FUT8: variants seen among roughly 807,000 people sequenced by gnomAD.
The protein encoded by FUT8 is alpha-(1,6)-fucosyltransferase.
Under a neutral mutation model 71.3 loss-of-function variants are expected in FUT8, and 29 were observed. The observed-to-expected ratio is 0.41, with a 90% CI of 0.30 to 0.55. FUT8 has a LOEUF of 0.55. FUT8 is among the 20% of genes least tolerant of loss of function. FUT8 has a pLI of 0.34. For missense variants in FUT8, 544 were observed against 702.1 expected, an observed-to-expected ratio of 0.77 and a Z score of 2.55; for synonymous variants, 254 against 239.3, an observed-to-expected ratio of 1.06 and a Z score of -0.57.
intron 2 of FUT8, among the ~76,000 whole-genome samples, chr14:65,504,417 T>A (rs2066693304): frequency 6.6e-6 from 1 of 152,184 alleles, no homozygotes; most frequent in South Asian, 2.1e-4. Context: ...AATTGATGTT[T>A]CCCCTTTCTT....
chr14:65,641,082 TACAG>T (rs1429859067), intron 6 of FUT8, among the ~76,000 whole-genome samples: 1 of 152,200 alleles, frequency 6.6e-6, no homozygotes, highest in Non-Finnish European at 1.5e-5. Context: ...TTTTGACGTA[TACAG>T]ACACCCATGA....
Position 65,449,610 on chromosome 14 carries a change from A to G in FUT8, c.-325-6011A>G, listed in dbSNP as rs200099015. Among the ~76,000 whole-genome samples, 3 of 152,342 alleles carry G rather than the reference A, an allele frequency of 2.0e-5. No homozygotes were observed. The South Asian group carries it at 6.2e-4, about 32-fold the overall frequency. On this transcript the variant is annotated intron_variant, in intron 1 of 10. Transcript: ENST00000673929. Reference sequence around the variant, plus strand: ...TCTCTCTTAACATTGGCCCATAGCTAGAAGACATTGAGGTCCTGCCTTACT... The same window carrying G: ...TCTCTCTTAACATTGGCCCATAGCTGGAAGACATTGAGGTCCTGCCTTACT...
chr14:65,439,954 G>GTGTACGTGTATATATATATATATA, intron 1 of FUT8, among the ~76,000 whole-genome samples: 1 of 74,984 alleles, frequency 1.3e-5, no homozygotes, highest in Non-Finnish European at 2.5e-5. Flanking sequence ...GTGTGTGTGT[G>GTGTACGTGTATATATATATATATA]TATATATATA....
At chr14:65,642,355 C>G (rs1043267223) in intron 6 of FUT8, among the ~76,000 whole-genome samples, 2 of 152,104 alleles carry the variant, frequency 1.3e-5, no homozygotes, top group African/African-American at 4.8e-5. Context: ...GTAATCTCAG[C>G]ATTTTGGGAG....
intron 7 of FUT8, among the ~76,000 whole-genome samples, chr14:65,682,692 A>G (rs534464183): frequency 6.6e-5 from 10 of 152,328 alleles, no homozygotes; most frequent in African/African-American, 2.2e-4. Context: ...ACATGCCAAG[A>G]TACCAGAACT....
rs1175177887 is a variant in FUT8 at position 65,716,978 on chromosome 14, T to C, written c.836-4797T>C. ...CCCAGACGGGGCGGCCGGGCAGAGG[T>C]GCTCCACACTTCCCAGACGGGGTGG... On this transcript the variant is annotated intron_variant, in intron 7 of 10. Transcript: ENST00000673929. 4.2e-3 allele frequency among the ~76,000 whole-genome samples: 288 copies of C among 68,104 alleles called. 3 individuals carry two copies. Among genetic ancestry groups the C allele is most frequent in the Middle Eastern group, 0.011 (1 of 88 alleles). 44.7% of individuals were successfully genotyped at this position (68,104 alleles called of 152,430 possible).
At chr14:65,448,005 G>C (rs971682936) in intron 1 of FUT8, among the ~76,000 whole-genome samples, 3 of 152,086 alleles carry the variant, frequency 2.0e-5, no homozygotes, top group Non-Finnish European at 4.4e-5. Context: ...TATTTATATT[G>C]GTATTTTTAT....
chr14:65,562,554 T>C (rs1398154643), intron 3 of FUT8, among the ~76,000 whole-genome samples: 3 of 152,156 alleles, frequency 2.0e-5, no homozygotes, highest in Non-Finnish European at 2.9e-5. Flanking sequence ...TGTATTTTTT[T>C]CCAAAGTTAT....
Position 65,625,551 on chromosome 14 carries a change from T to C in FUT8, c.483-3941T>C, listed in dbSNP as rs1482147312. On this transcript the variant is annotated intron_variant, in intron 5 of 10. Transcript: ENST00000673929. The stretch of plus-strand genomic sequence containing the variant: ...AAATGTTTTGAATCCTAGCTGAGAA[T>C]AACAAATAAGAAAATGGACAAGGCA... 2.0e-5 allele frequency among the ~76,000 whole-genome samples: 3 copies of C among 152,210 alleles called. No homozygotes were observed. In the East Asian group the frequency reaches 5.8e-4, roughly 29 times the overall value.
chr14:65,446,748 G>A lies in FUT8; in HGVS notation c.-325-8873G>A, dbSNP rs148803407. On this transcript the variant is annotated intron_variant, in intron 1 of 10. Coordinates refer to ENST00000673929, the MANE Select transcript of FUT8 (RefSeq NM_001371533.1). ...TAATATGCTTAATGAAGCTCAAATT[G>A]TTGTTACATCTTTGACCAGTGGGAG... 2.5e-3 allele frequency among the ~76,000 whole-genome samples: 323 copies of A among 129,536 alleles called. 3 individuals are homozygous for A. The highest frequency in any genetic ancestry group is 8.9e-3 in the African/African-American group (306 of 34,512). 85.0% of individuals were successfully genotyped at this position (129,536 alleles called of 152,430 possible).
intron 7 of FUT8, among the ~76,000 whole-genome samples, chr14:65,696,137 G>A (rs543116767): frequency 2.6e-4 from 39 of 152,082 alleles, no homozygotes; most frequent in Non-Finnish European, 4.7e-4. Context: ...TGAATACACT[G>A]TAGGTAAATT....
At chr14:65,578,148 A>G (rs1886892711) in intron 3 of FUT8, among the ~76,000 whole-genome samples, 1 of 152,170 alleles carries the variant, frequency 6.6e-6, no homozygotes, top group East Asian at 1.9e-4. Flanking sequence ...TATTTAATAT[A>G]ATGTATGAAT....
chr14:65,410,431 G>A (rs77485851), upstream of FUT8, among the ~76,000 whole-genome samples: 120 of 152,306 alleles, frequency 7.9e-4, no homozygotes, highest in African/African-American at 2.9e-3. Context: ...GAAGCACATT[G>A]ATTCAACAAA....
chr14:65,510,069 T>TC (rs1882231643), intron 2 of FUT8, among the ~76,000 whole-genome samples: 1 of 152,130 alleles, frequency 6.6e-6, no homozygotes, highest in Non-Finnish European at 1.5e-5. Context: ...TAGTTGTGGG[T>TC]CTTTTGTATA....
intron 9 of FUT8, among the ~76,000 whole-genome samples, chr14:65,729,034 GTTTTTTT>G (rs557668131): frequency 1.9e-5 from 2 of 103,662 alleles, no homozygotes; most frequent in African/African-American, 7.8e-5. Flanking sequence ...TTGTAAACAT[GTTTTTTT>G]TTTTTTTTTT....
At chr14:65,495,614 A>G (rs987389859) in intron 2 of FUT8, among the ~76,000 whole-genome samples, 2 of 152,202 alleles carry the variant, frequency 1.3e-5, no homozygotes, top group East Asian at 3.8e-4. Flanking sequence ...AAAAAACTAA[A>G]CAACAGCAAT....
chr14:65,664,964 T>C (rs1892137092), intron 6 of FUT8, among the ~76,000 whole-genome samples: 2 of 115,998 alleles, frequency 1.7e-5, no homozygotes, highest in Admixed American at 2.0e-4. Flanking sequence ...AGTTGAACTT[T>C]AGAATGGAAA....
At chr14:65,593,571 C>T (rs1887803380) in intron 3 of FUT8, among the ~76,000 whole-genome samples, 1 of 127,800 alleles carries the variant, frequency 7.8e-6, no homozygotes, top group African/African-American at 2.5e-5. Context: ...CTTCTTTTTT[C>T]TTTTCTTTTC....
At chr14:65,384,740 CT>C in the FUT8 span, among the ~76,000 whole-genome samples, 4 of 152,180 alleles carry the variant, frequency 2.6e-5, no homozygotes, top group African/African-American at 9.7e-5. This position sits in a 1 kb window ranked among gnomAD's most constrained non-coding sequence, Gnocchi z 4.2. Context: ...TTATCACCTT[CT>C]CAGCCTCTGT....
Sources: allele counts gnomAD v4.1 joint callset (sites outside exome capture counted in the v4.1 genomes callset), GRCh38; gene constraint gnomAD v4.1.1; non-coding constraint Gnocchi (gnomAD v3.1); transcripts MANE v1.5; gene names NCBI Gene and HGNC (gene_info 2026-07-23, HGNC 2026-07-21).